The following CACNA2D4 variants were observed in gnomAD, a reference collection of about 807,000 sequenced individuals.
The protein encoded by CACNA2D4 is calcium voltage-gated channel auxiliary subunit alpha2delta 4, also known as voltage-dependent calcium channel subunit alpha-2/delta-4.
CACNA2D4 carries 157 observed loss-of-function variants against 163.8 expected under a neutral mutation model. That is an observed-to-expected ratio of 0.96 (90% confidence interval 0.84 to 1.09). CACNA2D4 has a LOEUF of 1.09. Ranked by LOEUF, CACNA2D4 falls within the 50% of genes least tolerant of loss-of-function variation. The pLI is 0.00. For synonymous variants in CACNA2D4, 598 were observed against 586.9 expected, an observed-to-expected ratio of 1.02 and a Z score of -0.27; for missense variants, 1,410 against 1,479.9, an observed-to-expected ratio of 0.95 and a Z score of 0.78.
chr12:1,859,312 G>A (rs921383862), intron 19 of CACNA2D4, among the ~76,000 whole-genome samples: 4 of 152,090 alleles, frequency 2.6e-5, no homozygotes, highest in African/African-American at 9.7e-5. Flanking sequence ...TAAGCTGTTT[G>A]TGCCACGGCA....
Position 1,810,658 on chromosome 12 carries a change from G to A in CACNA2D4, c.2614-71C>T, listed in dbSNP as rs112716528. ...AGAAATGGCACGTGTAAGTGGGAAT[G>A]CTGTGTGTGTGGTACGTCTGCAGTG... On this transcript the variant is annotated intron_variant, in intron 27 of 37. Coordinates refer to ENST00000382722, the MANE Select transcript of CACNA2D4 (RefSeq NM_172364.5). The A allele has an allele frequency of 9.7e-6, 14 of 1,448,782 alleles. No homozygotes were observed. In the African/African-American group the frequency reaches 1.8e-4, roughly 19 times the overall value. 89.7% of individuals were successfully genotyped at this position (1,448,782 alleles called of 1,614,324 possible). A position where few individuals can be genotyped will look rare whatever the true frequency, so the allele number is the denominator to read the frequency against.
rs773092481 is a variant in CACNA2D4 at position 1,875,275 on chromosome 12, C to G, written c.1782G>C (p.Val594=). The G allele has an allele frequency of 3.7e-6, 6 of 1,604,316 alleles. No homozygotes were observed. The South Asian group carries it at 5.6e-5, about 15-fold the overall frequency. Residue 594 remains valine (V), a synonymous_variant, in exon 17 of 38, where the codon GTG becomes GTC. Transcript: ENST00000382722. This position sits in a 1 kb window ranked among gnomAD's most constrained non-coding sequence, Gnocchi z 4.0. The part of the protein sequence containing the change: ...PNYNSVDLSE[V]EWEDQAESLR... ...CAGATTCAGCCTGGTCTTCCCACTCCACTTCGGAGAGATCCACACTGTTGT... is the reference window on the plus strand; with the variant it reads ...CAGATTCAGCCTGGTCTTCCCACTCGACTTCGGAGAGATCCACACTGTTGT...
At chr12:1,909,565 C>T (rs979714654) in intron 4 of CACNA2D4, among the ~76,000 whole-genome samples, 2 of 152,228 alleles carry the variant, frequency 1.3e-5, no homozygotes, top group African/African-American at 4.8e-5. Context: ...CTGCCTAAAT[C>T]CCCCATGAGC....
At chr12:1,803,508 A>T (rs1031728555) in intron 29 of CACNA2D4, among the ~76,000 whole-genome samples, 3 of 152,236 alleles carry the variant, frequency 2.0e-5, no homozygotes, top group African/African-American at 7.2e-5. Context: ...TAGTCCTTAC[A>T]TCCTACAGTA....
chr12:1,841,663 A>G (rs1865027754), intron 25 of CACNA2D4, among the ~76,000 whole-genome samples: 1 of 146,380 alleles, frequency 6.8e-6, no homozygotes, highest in Non-Finnish European at 1.5e-5. Context: ...AGAAAGGGGC[A>G]AACAGTTTCT....
At chr12:1,863,141 C>T (rs564551978) in intron 18 of CACNA2D4, among the ~76,000 whole-genome samples, 5 of 152,290 alleles carry the variant, frequency 3.3e-5, no homozygotes, top group African/African-American at 1.2e-4. Context: ...TTCCCCTCCC[C>T]CATACATTTA....
intron 18 of CACNA2D4, among the ~76,000 whole-genome samples, chr12:1,872,527 T>C (rs1234456085): frequency 6.6e-6 from 1 of 152,128 alleles, no homozygotes; most frequent in Non-Finnish European, 1.5e-5. Context: ...AACCAGCTCG[T>C]AAGTTGAGAC....
intron 29 of CACNA2D4, 27 bp downstream of exon 29, chr12:1,810,251 C>A: frequency 1.3e-6 from 2 of 1,592,398 alleles, no homozygotes; most frequent in Non-Finnish European, 1.7e-6. Flanking sequence ...GCCCTCTCCC[C>A]CTCATTCTAT....
chr12:1,847,245 C>A (rs1233599790), intron 23 of CACNA2D4, among the ~76,000 whole-genome samples: 3 of 152,220 alleles, frequency 2.0e-5, no homozygotes, highest in Non-Finnish European at 2.9e-5. Flanking sequence ...ATATCTCCCT[C>A]CCAGTCTCAA....
At chr12:1,801,208 T>C (rs1008740481) in intron 30 of CACNA2D4, 90 bp from the exon 31 acceptor site, 2 of 1,075,278 alleles carry the variant, frequency 1.9e-6, no homozygotes, top group Non-Finnish European at 2.9e-6. Context: ...AGCATCCGTT[T>C]ACCGCAATTC....
At chr12:1,815,034 C>A (rs1198162491) in intron 26 of CACNA2D4, among the ~76,000 whole-genome samples, 1 of 152,172 alleles carries the variant, frequency 6.6e-6, no homozygotes, top group Non-Finnish European at 1.5e-5. Context: ...GGATTACAGG[C>A]GCGTGTGATA....
chr12:1,873,102 G>A (rs1865818315), intron 18 of CACNA2D4, among the ~76,000 whole-genome samples: 1 of 152,170 alleles, frequency 6.6e-6, no homozygotes, highest in Admixed American at 6.5e-5. Flanking sequence ...CCCTCAGGTT[G>A]TGAGTGTTCA....
chr12:1,840,216 A>G (rs1864983138), intron 26 of CACNA2D4, among the ~76,000 whole-genome samples: 1 of 152,118 alleles, frequency 6.6e-6, no homozygotes, highest in Non-Finnish European at 1.5e-5. Flanking sequence ...CACACTGTAA[A>G]TACTCGGTAA....
In CACNA2D4 at chr12:1,834,608, A is replaced by G. The variant is rs1255825513; in HGVS notation, c.2551+6131T>C. ...GGTGGTGGCCGCTGCCTATGGCTGC[A>G]TCTACGCCTCCCTCATGGCCAAGTA... On this transcript the variant is annotated intron_variant, in intron 26 of 37. Coordinates refer to ENST00000382722, the MANE Select transcript of CACNA2D4 (RefSeq NM_172364.5). This position sits in a 1 kb window ranked among gnomAD's most constrained non-coding sequence, Gnocchi z 7.6. 6.2e-7 allele frequency: 1 copy of G among 1,600,118 alleles called. No homozygotes were observed. Among genetic ancestry groups the G allele is most frequent in the Non-Finnish European group, 8.5e-7 (1 of 1,179,908 alleles).
chr12:1,826,705 C>CT (rs1431426814), intron 26 of CACNA2D4, among the ~76,000 whole-genome samples: 8 of 121,144 alleles, frequency 6.6e-5, no homozygotes, highest in Non-Finnish European at 1.6e-4. Flanking sequence ...GCTGCCCTTG[C>CT]CGGGGGCAGA....
chr12:1,887,068 A>T lies in CACNA2D4; in HGVS notation c.783T>A (p.Gly261=). 1 of 1,581,544 alleles carries T rather than the reference A, an allele frequency of 6.3e-7. No homozygotes were observed. The highest frequency in any genetic ancestry group is 1.2e-5 in the South Asian group (1 of 86,768). ...SATGFFRIYP[G]IKWTPDENGV... The stretch of plus-strand genomic sequence containing the variant: ...CATTCTCATCAGGTGTCCATTTTAT[A>T]CCTGGGAGAATAAAGACTCGTTCTT... The change falls in exon 7 of 38, where the codon GGT becomes GGA. Residue 261 remains glycine (G), a splice_region_variant and synonymous_variant. Transcript: ENST00000382722.
intron 26 of CACNA2D4, among the ~76,000 whole-genome samples, chr12:1,839,839 C>T (rs1864971979): frequency 6.6e-6 from 1 of 152,152 alleles, no homozygotes; most frequent in African/African-American, 2.4e-5. Context: ...GGCAGGGCAT[C>T]TTGGTGGTTA....
chr12:1,918,596 G>C lies in CACNA2D4; in HGVS notation c.-123C>G. ...GGGGAGGGCTTCTCTCTGCCCCACA[G>C]CTGCAGCTCACAGAAGAGTCGCCCC... On this transcript the variant is annotated 5_prime_UTR_variant, in exon 1 of 38. Coordinates refer to ENST00000382722, the MANE Select transcript of CACNA2D4 (RefSeq NM_172364.5). 16 of 709,886 alleles carry C rather than the reference G, an allele frequency of 2.3e-5. No individual in the cohort carries two copies. The South Asian group carries it at 2.8e-4, about 13-fold the overall frequency. 44.0% of individuals were successfully genotyped at this position (709,886 alleles called of 1,614,324 possible). A position where few individuals can be genotyped will look rare whatever the true frequency, so the allele number is the denominator to read the frequency against.
chr12:1,854,083 C>T, intron 22 of CACNA2D4, 39 bp from the exon 23 acceptor site: 1 of 1,477,830 alleles, frequency 6.8e-7, no homozygotes, highest in Non-Finnish European at 9.3e-7. Context: ...CACATGCTTC[C>T]TCCATGCTCA....
Sources: allele counts gnomAD v4.1 joint callset (sites outside exome capture counted in the v4.1 genomes callset), GRCh38; gene constraint gnomAD v4.1.1; non-coding constraint Gnocchi (gnomAD v3.1); transcripts MANE v1.5; gene names NCBI Gene and HGNC (gene_info 2026-07-23, HGNC 2026-07-21).